The following PARN variants were observed in gnomAD, a reference collection of about 807,000 sequenced individuals.
PARN encodes poly(A)-specific ribonuclease PARN.
Under a neutral mutation model 102.8 loss-of-function variants are expected in PARN, and 71 were observed. The ratio of observed to expected loss-of-function variants is 0.69; its 90% confidence interval spans 0.57 to 0.84. The LOEUF (loss-of-function observed/expected upper bound fraction) is 0.84. Ranked by LOEUF, PARN falls within the 40% of genes least tolerant of loss-of-function variation. PARN has a pLI of 0.00. For synonymous variants in PARN, 261 were observed against 252.9 expected, an observed-to-expected ratio of 1.03 and a Z score of -0.30; for missense variants, 782 against 760.9, an observed-to-expected ratio of 1.03 and a Z score of -0.33.
At position 14,585,026 on chromosome 16, in the gene PARN, G is replaced by A. The variant is rs144051940; in HGVS notation, c.963-235C>T. On this transcript the variant is annotated intron_variant, in intron 14 of 23. Coordinates refer to ENST00000437198, the MANE Select transcript of PARN (RefSeq NM_002582.4). ...GTAGGTACTCAGTCCCATCATCAGC[G>A]ACTTCATTGAGCAACTGCAGGAGAG... 1.0e-3 allele frequency among the ~76,000 whole-genome samples: 159 copies of A among 152,244 alleles called. 1 individual carries two copies. The highest frequency in any genetic ancestry group is 3.4e-3 in the African/African-American group (143 of 41,548).
chr16:14,581,611 T>C (rs1213659819), intron 17 of PARN, among the ~76,000 whole-genome samples: 1 of 152,088 alleles, frequency 6.6e-6, no homozygotes, highest in Non-Finnish European at 1.5e-5. Context: ...CACGAGGGAA[T>C]TAGTGCCCTT....
At chr16:14,601,186 T>G (rs1023648357) in intron 11 of PARN, among the ~76,000 whole-genome samples, 1 of 152,178 alleles carries the variant, frequency 6.6e-6, no homozygotes, top group Non-Finnish European at 1.5e-5. Context: ...AAGAGCATTA[T>G]TCACAATAGT....
intron 22 of PARN, among the ~76,000 whole-genome samples, chr16:14,480,970 A>AATAC (rs1963348342): frequency 6.6e-6 from 1 of 152,104 alleles, no homozygotes; most frequent in Non-Finnish European, 1.5e-5. Flanking sequence ...TAAATAAATA[A>AATAC]ATAACATAAA....
At chr16:14,601,054 A>G (rs1005767641) in intron 11 of PARN, among the ~76,000 whole-genome samples, 1 of 152,230 alleles carries the variant, frequency 6.6e-6, no homozygotes, top group Admixed American at 6.5e-5. Flanking sequence ...CAGCTAAGGA[A>G]AACAGTATGG....
intron 21 of PARN, among the ~76,000 whole-genome samples, chr16:14,532,650 T>C (rs1406174399): frequency 6.6e-6 from 1 of 151,952 alleles, no homozygotes; most frequent in Non-Finnish European, 1.5e-5. Context: ...ACCGCCATTG[T>C]CATCATGGCC....
chr16:14,608,356 A>G (rs985782001), intron 8 of PARN, 37 bp from the exon 9 acceptor site: 4 of 1,363,784 alleles, frequency 2.9e-6, no homozygotes, highest in Non-Finnish European at 4.1e-6. Flanking sequence ...ATTTTGGCTC[A>G]TTAGAAGTAA....
intron 21 of PARN, among the ~76,000 whole-genome samples, chr16:14,534,705 G>T (rs1178352493): frequency 6.6e-6 from 1 of 152,034 alleles, no homozygotes; most frequent in Non-Finnish European, 1.5e-5. Context: ...CTGCTCCTTG[G>T]CCTCTGATGC....
chr16:14,531,720 G>GC (rs111449589), intron 21 of PARN, among the ~76,000 whole-genome samples: 2,592 of 151,226 alleles, frequency 0.017, 73 homozygotes, highest in African/African-American at 0.06. Flanking sequence ...CCATGAGGGT[G>GC]CCCCCCCAGA....
At chr16:14,586,473 C>A (rs1969862578) in intron 13 of PARN, 112 bp from the exon 14 acceptor site, 3 of 646,288 alleles carry the variant, frequency 4.6e-6, no homozygotes, top group Non-Finnish European at 8.2e-6. Context: ...CTGTTGGGGC[C>A]CTTAAGCTAA....
intron 13 of PARN, among the ~76,000 whole-genome samples, chr16:14,591,694 C>T (rs910888175): frequency 3.3e-5 from 5 of 152,058 alleles, no homozygotes; most frequent in Non-Finnish European, 7.4e-5. Context: ...GAAATGCTGC[C>T]TGGAATTTGC....
At chr16:14,524,147 G>A (rs1451353955) in intron 21 of PARN, among the ~76,000 whole-genome samples, 1 of 152,188 alleles carries the variant, frequency 6.6e-6, no homozygotes, top group Non-Finnish European at 1.5e-5. Flanking sequence ...AACCTGTGAT[G>A]TATTAAAATT....
chr16:14,489,318 G>A (rs1395130063), intron 21 of PARN, among the ~76,000 whole-genome samples: 1 of 151,678 alleles, frequency 6.6e-6, no homozygotes, highest in South Asian at 2.1e-4. Flanking sequence ...TTTCTAGCAC[G>A]CCTGTAATCC....
intron 22 of PARN, among the ~76,000 whole-genome samples, chr16:14,464,571 C>A (rs1567295875): frequency 6.6e-6 from 1 of 152,004 alleles, no homozygotes; most frequent in African/African-American, 2.4e-5. Flanking sequence ...GACTGGCCAA[C>A]ATGGCAAAAC....
intron 22 of PARN, among the ~76,000 whole-genome samples, chr16:14,457,829 T>C (rs1226997886): frequency 1.8e-4 from 19 of 107,560 alleles, no homozygotes; most frequent in Admixed American, 1.4e-3. Flanking sequence ...AAAAAAAGAG[T>C]CTGTAAACAA....
intron 21 of PARN, among the ~76,000 whole-genome samples, chr16:14,501,238 G>C (rs768681803): frequency 2.0e-5 from 3 of 147,554 alleles, no homozygotes; most frequent in Non-Finnish European, 3.0e-5. Flanking sequence ...AGACCAGCCT[G>C]GGCAAAACAG....
chr16:14,546,959 G>A (rs1003728802), intron 21 of PARN, among the ~76,000 whole-genome samples: 2 of 152,006 alleles, frequency 1.3e-5, no homozygotes, highest in African/African-American at 4.8e-5. Context: ...CAGGTGTGGT[G>A]GCGTGCACCT....
At chr16:14,585,514 T>C (rs896869396) in intron 14 of PARN, among the ~76,000 whole-genome samples, 1 of 151,836 alleles carries the variant, frequency 6.6e-6, no homozygotes, top group Non-Finnish European at 1.5e-5. Context: ...AGGCTCCACA[T>C]GGCTGACCTA....
intron 6 of PARN, among the ~76,000 whole-genome samples, chr16:14,611,645 ATTC>A (rs1228250960): frequency 6.6e-6 from 1 of 152,132 alleles, no homozygotes; most frequent in Non-Finnish European, 1.5e-5. Context: ...GGTTCAAGCA[ATTC>A]TTCTGTCTCA....
intron 21 of PARN, among the ~76,000 whole-genome samples, chr16:14,517,579 T>C (rs1446743847): frequency 2.0e-5 from 3 of 152,228 alleles, no homozygotes; most frequent in Admixed American, 1.3e-4. Context: ...AAATAGAATA[T>C]GCTTGACGAC....
Sources: allele counts gnomAD v4.1 joint callset (sites outside exome capture counted in the v4.1 genomes callset), GRCh38; gene constraint gnomAD v4.1.1; transcripts MANE v1.5; gene names NCBI Gene and HGNC (gene_info 2026-07-23, HGNC 2026-07-21).